Variants in USP34 observed in about 807,000 individuals in gnomAD.
USP34 encodes ubiquitin carboxyl-terminal hydrolase 34.
USP34 carries 70 observed loss-of-function variants against 460.3 expected under a neutral mutation model. The observed-to-expected ratio is 0.15, with a 90% confidence interval of 0.13 to 0.19. The LOEUF (loss-of-function observed/expected upper bound fraction) is 0.19. Among genes scored for constraint, USP34 ranks in the 10% least tolerant of loss-of-function variants. USP34 has a pLI of 1.00. For synonymous variants in USP34, 1,647 were observed against 1,405.3 expected (o/e 1.17, Z -3.85); for missense variants, 3,985 against 4,236.2 (o/e 0.94, Z 1.65).
At position 61,261,618 on chromosome 2, in the gene USP34, T is replaced by G. The variant is rs531028334; in HGVS notation, c.5779-1842A>C. ...TGTGAATGTATTTAATCCCATCAAC[T>G]GTATATATGTATAAATGGTTAAAAT... On this transcript the variant is annotated intron_variant, in intron 43 of 79. Transcript: ENST00000398571. 5.9e-5 allele frequency among the ~76,000 whole-genome samples: 9 copies of G among 152,346 alleles called. 1 individual carries two copies. The highest frequency in any genetic ancestry group is 1.9e-4 in the African/African-American group (8 of 41,576).
chr2:61,199,122 TTATG>T (rs147701853), intron 75 of USP34, among the ~76,000 whole-genome samples: 2,458 of 152,316 alleles, frequency 0.016, 26 homozygotes, highest in Non-Finnish European at 0.024. Context: ...TTTTCAATTT[TTATG>T]TAGTCAAAAC....
chr2:61,368,549 T>C lies in USP34; in HGVS notation c.1251+1772A>G, dbSNP rs1572974286. Among the ~76,000 whole-genome samples the C allele has an allele frequency of 2.6e-5, 4 of 151,756 alleles. 1 individual carries two copies. Among genetic ancestry groups the C allele is most frequent in the Admixed American group, 2.6e-4 (4 of 15,256 alleles). On this transcript the variant is annotated intron_variant, in intron 10 of 79. Coordinates refer to ENST00000398571, the MANE Select transcript of USP34 (RefSeq NM_014709.4). The stretch of plus-strand genomic sequence containing the variant: ...TATAGATCATAATTATACACACAAA[T>C]AGGTCAGTCTAGAAAGTTCAAAAAA...
intron 10 of USP34, among the ~76,000 whole-genome samples, chr2:61,352,758 C>T (rs903769117): frequency 3.2e-4 from 48 of 150,194 alleles, no homozygotes; most frequent in African/African-American, 9.3e-4. Flanking sequence ...ATTAAGAATG[C>T]GTGGTGGTGG....
chr2:61,322,484 T>G (rs1339885385), intron 21 of USP34, among the ~76,000 whole-genome samples: 2 of 152,100 alleles, frequency 1.3e-5, no homozygotes, highest in Non-Finnish European at 2.9e-5. Flanking sequence ...TGAAAAAAAT[T>G]AGACAGTCCA....
At chr2:61,458,319 G>A (rs992428882) in intron 1 of USP34, among the ~76,000 whole-genome samples, 4 of 152,136 alleles carry the variant, frequency 2.6e-5, no homozygotes, top group African/African-American at 9.7e-5. Flanking sequence ...CCAGCACTTT[G>A]GGAGGCAGAG....
chr2:61,358,259 C>T (rs1007970222), intron 10 of USP34, among the ~76,000 whole-genome samples: 3 of 151,202 alleles, frequency 2.0e-5, no homozygotes, highest in African/African-American at 7.3e-5. Context: ...AACCAAAGGA[C>T]GGTTTGTTAA....
chr2:61,238,998 G>A (rs1275905401), intron 53 of USP34, among the ~76,000 whole-genome samples: 1 of 151,224 alleles, frequency 6.6e-6, no homozygotes, highest in African/African-American at 2.4e-5. Context: ...ATATTATTAT[G>A]GTGATCTATA....
chr2:61,327,550 T>C (rs1156843962), intron 20 of USP34, among the ~76,000 whole-genome samples: 5 of 152,222 alleles, frequency 3.3e-5, no homozygotes, highest in Admixed American at 1.3e-4. Context: ...GCCTTGTCTA[T>C]GGGACATCAA....
At chr2:61,358,969 T>C (rs1390610607) in intron 10 of USP34, among the ~76,000 whole-genome samples, 1 of 152,146 alleles carries the variant, frequency 6.6e-6, no homozygotes, top group Admixed American at 6.5e-5. Flanking sequence ...AAAACCTAAA[T>C]AAAGACAAAG....
chr2:61,468,178 T>C (rs1018991881), intron 1 of USP34, among the ~76,000 whole-genome samples: 32 of 152,256 alleles, frequency 2.1e-4, no homozygotes, highest in African/African-American at 6.3e-4. Context: ...CACATGTAAT[T>C]GTTGAAGTAA....
chr2:61,318,909 C>T (rs1010306595), intron 22 of USP34, among the ~76,000 whole-genome samples: 5 of 152,086 alleles, frequency 3.3e-5, no homozygotes, highest in African/African-American at 1.2e-4. Context: ...ATTAGTGCTG[C>T]CTTCAAAAGT....
intron 10 of USP34, among the ~76,000 whole-genome samples, chr2:61,356,228 C>T (rs1692098817): frequency 6.6e-6 from 1 of 151,802 alleles, no homozygotes; most frequent in Admixed American, 6.6e-5. Context: ...TGGCTCATGC[C>T]TGTAATCCCA....
At chr2:61,372,317 T>C (rs1228341278) in intron 8 of USP34, among the ~76,000 whole-genome samples, 1 of 152,102 alleles carries the variant, frequency 6.6e-6, no homozygotes, top group Non-Finnish European at 1.5e-5. Flanking sequence ...TATTTCTGAG[T>C]AGCCCTACTG....
In USP34 at chr2:61,258,955, T is replaced by C. The variant is rs142245547; in HGVS notation, c.5844+756A>G. On this transcript the variant is annotated intron_variant, in intron 44 of 79. Transcript: ENST00000398571. ...AACTTTTAGAAGTTATTATGACAAA[T>C]AACAGAGATAACTGACAGACAGCTC... 1.3e-4 allele frequency among the ~76,000 whole-genome samples: 20 copies of C among 152,064 alleles called. No individual in the cohort carries two copies. In the East Asian group the frequency reaches 3.7e-3, roughly 28 times the overall value.
chr2:61,452,476 C>G (rs1206013801), intron 1 of USP34, among the ~76,000 whole-genome samples: 4 of 151,916 alleles, frequency 2.6e-5, no homozygotes, highest in Admixed American at 2.0e-4. Context: ...AGGCATGCAT[C>G]ACCACACCCT....
chr2:61,365,309 A>ATGTGTG (rs34664941), intron 10 of USP34, among the ~76,000 whole-genome samples: 1 of 147,850 alleles, frequency 6.8e-6, no homozygotes, highest in Non-Finnish European at 1.5e-5. Context: ...TTATTTATAA[A>ATGTGTG]TGTGTGTGTG....
At chr2:61,434,255 G>C (rs922047570) in intron 1 of USP34, among the ~76,000 whole-genome samples, 3 of 152,110 alleles carry the variant, frequency 2.0e-5, no homozygotes, top group Non-Finnish European at 4.4e-5. Context: ...ACCACAGGTC[G>C]TCCCTGATGG....
intron 27 of USP34, among the ~76,000 whole-genome samples, chr2:61,303,847 G>A (rs888645880): frequency 8.6e-5 from 13 of 151,650 alleles, no homozygotes; most frequent in African/African-American, 2.9e-4. Flanking sequence ...TGCCCGCCTC[G>A]GCCTCCCAAA....
At chr2:61,469,129 C>T (rs1247069340) in intron 1 of USP34, among the ~76,000 whole-genome samples, 2 of 152,074 alleles carry the variant, frequency 1.3e-5, no homozygotes, top group Non-Finnish European at 2.9e-5. Context: ...ATCGCTTGAA[C>T]CTGGGAGGCA....
Sources: gnomAD v4.1 joint callset for allele counts (sites outside exome capture counted in the v4.1 genomes callset) on GRCh38, gnomAD v4.1.1 for gene constraint, MANE v1.5 for transcripts, NCBI Gene and HGNC (gene_info 2026-07-23, HGNC 2026-07-21) for gene names.